The following FMN1 variants were observed in gnomAD, a reference collection of about 807,000 sequenced individuals.
The protein encoded by FMN1 is formin-1.
Under a neutral mutation model 132.4 loss-of-function variants are expected in FMN1, and 110 were observed. That is an observed-to-expected ratio of 0.83 (90% CI 0.71 to 0.97). The LOEUF (loss-of-function observed/expected upper bound fraction) is 0.97, where lower values mean the gene tolerates loss of function less well. Ranked by LOEUF, FMN1 falls within the 50% of genes least tolerant of loss-of-function variation. The probability of loss-of-function intolerance (pLI) is 0.00; values close to 1 mark genes in which losing one functional copy is unlikely to be tolerated. For missense variants in FMN1, 1,792 were observed against 1,705.3 expected (o/e 1.05, Z -0.90); for synonymous variants, 722 against 651.7 (o/e 1.11, Z -1.64).
intron 4 of FMN1, among the ~76,000 whole-genome samples, chr15:33,114,955 G>C (rs190268228): frequency 7.2e-5 from 11 of 152,220 alleles, no homozygotes; most frequent in Non-Finnish European, 1.2e-4. Flanking sequence ...TGGTGGCTGG[G>C]CAGGCCTCAG....
At chr15:32,927,749 ACT>A (rs923451525) in intron 9 of FMN1, among the ~76,000 whole-genome samples, 5 of 152,030 alleles carry the variant, frequency 3.3e-5, no homozygotes, top group African/African-American at 9.7e-5. Context: ...AGGGAAAAAA[ACT>A]CTCTTTCCTC....
chr15:33,119,191 G>A (rs115794026), intron 4 of FMN1, among the ~76,000 whole-genome samples: 1 of 152,044 alleles, frequency 6.6e-6, no homozygotes, highest in Non-Finnish European at 1.5e-5. Flanking sequence ...TATGTTCAAT[G>A]AACACCCTTC....
chr15:32,954,958 G>T (rs2061731787), intron 9 of FMN1, among the ~76,000 whole-genome samples: 1 of 152,150 alleles, frequency 6.6e-6, no homozygotes, highest in Admixed American at 6.5e-5. Flanking sequence ...CAGTGACTAG[G>T]CAACAGAGTG....
chr15:33,008,666 T>A (rs1428116971), intron 6 of FMN1, among the ~76,000 whole-genome samples: 2 of 152,196 alleles, frequency 1.3e-5, no homozygotes, highest in African/African-American at 4.8e-5. Context: ...AATTTTAATA[T>A]GAGTCTAATA....
chr15:32,777,447 A>G lies in FMN1; in HGVS notation c.4131-528T>C, dbSNP rs149752638. Among the ~76,000 whole-genome samples the G allele has an allele frequency of 2.0e-3, 208 of 105,646 alleles. 2 individuals carry two copies. The highest frequency in any genetic ancestry group is 2.8e-3 in the Admixed American group (23 of 8,092). 69.3% of individuals were successfully genotyped at this position (105,646 alleles called of 152,430 possible). ...TTTTCCATTCAAAAAATATATTTAT[A>G]TATTATATTTATATATTACGTATAT... On this transcript the variant is annotated intron_variant, in intron 19 of 20. Transcript: ENST00000616417.
intron 6 of FMN1, among the ~76,000 whole-genome samples, chr15:33,017,058 C>T (rs2035091677): frequency 1.3e-5 from 2 of 151,818 alleles, no homozygotes; most frequent in African/African-American, 2.4e-5. Flanking sequence ...ATTGGCATCT[C>T]AATCAAATTT....
At position 32,989,157 on chromosome 15, in the gene FMN1, C is replaced by T. The variant is rs567239904; in HGVS notation, c.2223+18857G>A. 9.9e-4 allele frequency among the ~76,000 whole-genome samples: 150 copies of T among 152,062 alleles called. 1 individual carries two copies. The highest frequency in any genetic ancestry group is 5.0e-3 in the South Asian group (24 of 4,820). On this transcript the variant is annotated intron_variant, in intron 7 of 20. Coordinates refer to ENST00000616417, the MANE Select transcript of FMN1 (RefSeq NM_001277313.2). ...TCCACTATAGGGGAAGAAAGGAAGA[C>T]CAACCAGTGATTAATTTATAGACTA...
At chr15:32,987,488 A>G (rs914232546) in intron 7 of FMN1, among the ~76,000 whole-genome samples, 2 of 152,170 alleles carry the variant, frequency 1.3e-5, no homozygotes, top group African/African-American at 2.4e-5. Flanking sequence ...ATCAGAGCAG[A>G]AGGCTTTCTG....
At chr15:33,070,994 C>G (rs1055695320) in intron 5 of FMN1, among the ~76,000 whole-genome samples, 7 of 152,194 alleles carry the variant, frequency 4.6e-5, no homozygotes, top group Non-Finnish European at 8.8e-5. Flanking sequence ...TCCACACTCT[C>G]AACCACTCTT....
At chr15:32,823,150 C>CTTT (rs1567224634) in intron 17 of FMN1, among the ~76,000 whole-genome samples, 5 of 84,168 alleles carry the variant, frequency 5.9e-5, no homozygotes, top group African/African-American at 2.0e-4. Flanking sequence ...AGAGTTTCTA[C>CTTT]TGTTTTTTTT....
intron 9 of FMN1, among the ~76,000 whole-genome samples, chr15:32,948,351 A>G (rs1198919097): frequency 6.6e-6 from 1 of 152,148 alleles, no homozygotes; most frequent in Admixed American, 6.5e-5. Flanking sequence ...CTTCATATCT[A>G]TATTTATGAG....
chr15:33,194,239 G>A (rs1015462357), intron 1 of FMN1, among the ~76,000 whole-genome samples, 179 bp from the exon 2 acceptor site: 1 of 22,624 alleles, frequency 4.4e-5, no homozygotes, highest in African/African-American at 2.0e-4. Context: ...TCCGTCCCCC[G>A]CCCTCCCGCC....
At chr15:33,158,408 C>T (rs1280442991) in intron 3 of FMN1, among the ~76,000 whole-genome samples, 1 of 150,326 alleles carries the variant, frequency 6.7e-6, no homozygotes, top group African/African-American at 2.5e-5. Context: ...AATAAAGCCA[C>T]AATGCAAGGC....
chr15:33,045,742 T>C (rs926023887), intron 6 of FMN1, among the ~76,000 whole-genome samples: 2 of 152,008 alleles, frequency 1.3e-5, no homozygotes, highest in Non-Finnish European at 2.9e-5. Flanking sequence ...ACTGCAGGGG[T>C]TGAAAAGTTT....
At chr15:32,872,249 T>C (rs770361933) in intron 16 of FMN1, among the ~76,000 whole-genome samples, 1 of 152,210 alleles carries the variant, frequency 6.6e-6, no homozygotes, top group Non-Finnish European at 1.5e-5. Flanking sequence ...TATCAAGTAA[T>C]CATTTGGACA....
chr15:33,037,351 G>C (rs2036235502), intron 6 of FMN1, among the ~76,000 whole-genome samples: 1 of 152,158 alleles, frequency 6.6e-6, no homozygotes, highest in Admixed American at 6.5e-5. Context: ...GAGTTTGGGT[G>C]AGGAGGGGAA....
intron 17 of FMN1, among the ~76,000 whole-genome samples, chr15:32,818,274 T>C (rs796531602): frequency 1.9e-4 from 29 of 152,252 alleles, no homozygotes; most frequent in African/African-American, 6.7e-4. Flanking sequence ...ATAATGAATT[T>C]ATATTTAAAT....
rs1566788091 is a variant in FMN1 at position 32,981,536 on chromosome 15, TA to T, written c.2224-12060del. Among the ~76,000 whole-genome samples the T allele has an allele frequency of 1.3e-3, 168 of 133,052 alleles. 2 individuals carry two copies. Among genetic ancestry groups the T allele is most frequent in the Non-Finnish European group, 8.2e-4 (51 of 62,062 alleles). The allele number at this position is 133,052 out of a possible 152,430, so 87.3% of individuals were successfully genotyped here. On this transcript the variant is annotated intron_variant, in intron 7 of 20. Transcript: ENST00000616417. ...CCATCTCAAATAATAATAATAATAATAATAATAATTATTATTATTATTATTA... is the reference window on the plus strand; with the variant it reads ...CCATCTCAAATAATAATAATAATAATATAATAATTATTATTATTATTATTA...
At chr15:32,839,029 G>C (rs1331676126) in intron 17 of FMN1, among the ~76,000 whole-genome samples, 1 of 152,088 alleles carries the variant, frequency 6.6e-6, no homozygotes, top group African/African-American at 2.4e-5. Context: ...ATGGTGACTG[G>C]ACAAACAGTT....
Sources: allele counts gnomAD v4.1 joint callset (sites outside exome capture counted in the v4.1 genomes callset), GRCh38; gene constraint gnomAD v4.1.1; transcripts MANE v1.5; gene names NCBI Gene and HGNC (gene_info 2026-07-23, HGNC 2026-07-21).